The following ARMH1 variants were observed in gnomAD, a reference collection of about 807,000 sequenced individuals.
ARMH1 encodes armadillo-like helical domain containing protein 1.
Under a neutral mutation model 50.2 loss-of-function variants are expected in ARMH1, and 34 were observed. The ratio of observed to expected loss-of-function variants is 0.68; its 90% CI spans 0.51 to 0.90. The LOEUF (loss-of-function observed/expected upper bound fraction) is 0.90. Ranked by LOEUF, ARMH1 falls within the 40% of genes least tolerant of loss-of-function variation. The probability of loss-of-function intolerance (pLI) is 0.00; values close to 1 mark genes in which losing one functional copy is unlikely to be tolerated. For missense variants in ARMH1, 538 were observed against 553.9 expected, an observed-to-expected ratio of 0.97 and a Z score of 0.29; for synonymous variants, 221 against 224.2, an observed-to-expected ratio of 0.99 and a Z score of 0.13.
rs56731047 is a variant in ARMH1, at chr1:44,710,608, C to CAAAAA, written c.724+6452_724+6456dup. ...TAGGCAACAGAGCAAGACTCCGTCT[C>CAAAAA]AAAAAAAAAAAAAAAAAAAAAGAAA... is the stretch of plus-strand genomic sequence containing the variant. On this transcript the variant is annotated intron_variant, in intron 6 of 11. Transcript: ENST00000535358. Among the ~76,000 whole-genome samples the CAAAAA allele has an allele frequency of 2.8e-3, 254 of 91,776 alleles. 1 individual carries two copies. The highest frequency in any genetic ancestry group is 3.8e-3 in the Non-Finnish European group (176 of 46,172). The allele number at this position is 91,776 out of a possible 152,430, so 60.2% of individuals were successfully genotyped here.
chr1:44,699,341 C>T (rs1645952448), intron 4 of ARMH1, among the ~76,000 whole-genome samples: 1 of 151,292 alleles, frequency 6.6e-6, no homozygotes, highest in East Asian at 1.9e-4. Flanking sequence ...TATTGAATAC[C>T]TACTGTGTGC....
chr1:44,698,012 C>A, intron 3 of ARMH1, 51 bp from the exon 4 acceptor site: 1 of 1,456,026 alleles, frequency 6.9e-7, no homozygotes, highest in Non-Finnish European at 9.2e-7. Context: ...AAGCTCAGTG[C>A]AAAGGAACTT....
At chr1:44,704,720 C>T (rs1646257108) in intron 6 of ARMH1, among the ~76,000 whole-genome samples, 1 of 152,044 alleles carries the variant, frequency 6.6e-6, no homozygotes, top group South Asian at 2.1e-4. Context: ...CTATGTTGCC[C>T]AGGCTGGTCT....
At position 44,699,741 on chromosome 1, in the gene ARMH1, C is replaced by T. The variant is rs373687234; in HGVS notation, c.443-1182C>T. 2.0e-4 allele frequency among the ~76,000 whole-genome samples: 31 copies of T among 152,110 alleles called. 1 individual carries two copies. The South Asian group carries it at 2.9e-3, about 14-fold the overall frequency. On this transcript the variant is annotated intron_variant, in intron 4 of 11. Coordinates refer to ENST00000535358, the MANE Select transcript of ARMH1 (RefSeq NM_001145636.2). ...TACTGGAATTACAGGCATGAGTCAC[C>T]GCACCCTCAATAATTTTAATATAGT...
At chr1:44,677,772 G>C (rs1252964303) in intron 1 of ARMH1, among the ~76,000 whole-genome samples, 2 of 152,180 alleles carry the variant, frequency 1.3e-5, no homozygotes, top group Non-Finnish European at 2.9e-5. Flanking sequence ...GGGCAGAGCA[G>C]GTTTTTCTGG....
chr1:44,697,285 A>G (rs1220157034), intron 3 of ARMH1, 115 bp downstream of exon 3: 4 of 805,170 alleles, frequency 5.0e-6, no homozygotes, highest in Non-Finnish European at 6.2e-6. Flanking sequence ...GGTTCCTTGT[A>G]GCTCTTGGGA....
chr1:44,701,062 G>A lies in ARMH1; in HGVS notation c.582G>A (p.Leu194=), dbSNP rs952287585. 4.5e-6 allele frequency: 7 copies of A among 1,551,724 alleles called. No homozygotes were observed. The Admixed American group carries it at 5.9e-5, about 13-fold the overall frequency. The part of the protein sequence containing the change: ...NQVYKGLIAL[L]PCESPKAQQL... ...TGTATAAAGGTCTAATAGCTTTGCT[G>A]CCCTGCGAGTCCCCAAAAGCCCAGC... Residue 194 remains leucine, a synonymous_variant, in exon 5 of 12, where the codon CTG becomes CTA. Coordinates refer to ENST00000535358, the MANE Select transcript of ARMH1 (RefSeq NM_001145636.2).
intron 5 of ARMH1, among the ~76,000 whole-genome samples, chr1:44,703,787 C>T (rs1023862955): frequency 6.9e-6 from 1 of 144,838 alleles, no homozygotes; most frequent in African/African-American, 2.5e-5. Flanking sequence ...AGTGCAGTGG[C>T]GCGATCTCGG....
intron 6 of ARMH1, chr1:44,721,881 T>A (rs557136043): frequency 2.0e-5 from 3 of 152,180 alleles, no homozygotes; most frequent in Non-Finnish European, 4.4e-5. Context: ...GATTTATTCG[T>A]TATGAAGAGA....
chr1:44,677,072 G>T (rs908922722), intron 1 of ARMH1, among the ~76,000 whole-genome samples: 1 of 152,168 alleles, frequency 6.6e-6, no homozygotes, highest in East Asian at 1.9e-4. Context: ...GGAATTCTTC[G>T]ATGGTTTCCA....
At chr1:44,721,855 T>A (rs773941302) in intron 6 of ARMH1, 1 of 152,218 alleles carries the variant, frequency 6.6e-6, no homozygotes, top group Non-Finnish European at 1.5e-5. Context: ...ACGGAAATCT[T>A]TAGTAAAAGG....
At chr1:44,694,146 C>G (rs1291517856) in intron 2 of ARMH1, among the ~76,000 whole-genome samples, 2 of 152,148 alleles carry the variant, frequency 1.3e-5, no homozygotes, top group African/African-American at 4.8e-5. Flanking sequence ...ATGAATGAAC[C>G]ATGCTTTTAC....
chr1:44,696,684 A>G (rs1645838897), intron 2 of ARMH1, among the ~76,000 whole-genome samples: 1 of 152,214 alleles, frequency 6.6e-6, no homozygotes, highest in South Asian at 2.1e-4. Flanking sequence ...ATTGAGAATT[A>G]ATGATGAAGC....
chr1:44,690,252 CA>C (rs1645616814), intron 2 of ARMH1, among the ~76,000 whole-genome samples: 1 of 151,350 alleles, frequency 6.6e-6, no homozygotes, highest in Non-Finnish European at 1.5e-5. Context: ...AGGCAGCCTT[CA>C]AAAATGAAAA....
At chr1:44,698,473 C>G (rs1557532705) in intron 4 of ARMH1, among the ~76,000 whole-genome samples, 7 of 152,176 alleles carry the variant, frequency 4.6e-5, no homozygotes, top group Non-Finnish European at 1.0e-4. Flanking sequence ...TTTCAGGCAT[C>G]CATTCAAAGA....
intron 6 of ARMH1, chr1:44,721,789 C>G (rs183320350): frequency 2.0e-5 from 3 of 151,886 alleles, no homozygotes; most frequent in South Asian, 2.1e-4. Context: ...AACATTCAGC[C>G]TTGCCTAGGC....
At chr1:44,705,581 A>G (rs1378742443) in intron 6 of ARMH1, among the ~76,000 whole-genome samples, 1 of 152,194 alleles carries the variant, frequency 6.6e-6, no homozygotes, top group Non-Finnish European at 1.5e-5. Flanking sequence ...AAATGTTTCC[A>G]TGAATGAATG....
chr1:44,720,757 C>T (rs887579518), intron 6 of ARMH1, among the ~76,000 whole-genome samples: 7 of 152,102 alleles, frequency 4.6e-5, no homozygotes, highest in Non-Finnish European at 7.3e-5. Context: ...CTTCTCAGGC[C>T]GGGCGTGGTG....
At position 44,681,064 on chromosome 1, in the gene ARMH1, G is replaced by A. The variant is rs995546808; in HGVS notation, c.-23+6191G>A. 8.2e-5 allele frequency among the ~76,000 whole-genome samples: 12 copies of A among 147,174 alleles called. No individual in the cohort carries two copies. Among genetic ancestry groups the A allele is most frequent in the African/African-American group, 1.5e-4 (6 of 38,750 alleles). ...GGCTGGAGTGTAGTGGCGTGATCTC[G>A]GCTCACTGCAAGCTCCACCTCCCGG... On this transcript the variant is annotated intron_variant, in intron 1 of 11. Coordinates refer to ENST00000535358, the MANE Select transcript of ARMH1 (RefSeq NM_001145636.2). This position sits in a 1 kb window ranked among gnomAD's most constrained non-coding sequence, Gnocchi z 4.3.
Sources: gnomAD v4.1 joint callset for allele counts (sites outside exome capture counted in the v4.1 genomes callset) on GRCh38, gnomAD v4.1.1 for gene constraint, Gnocchi (gnomAD v3.1) non-coding constraint, MANE v1.5 for transcripts, NCBI Gene and HGNC (gene_info 2026-07-23, HGNC 2026-07-21) for gene names.